The following NKAIN3 variants were observed in gnomAD, a reference collection of about 807,000 sequenced individuals.
NKAIN3 encodes the protein sodium/potassium-transporting ATPase subunit beta-1-interacting protein 3.
NKAIN3 carries 25 observed loss-of-function variants against 30.2 expected under a neutral mutation model. That is an observed-to-expected ratio of 0.83 (90% CI 0.60 to 1.16). The LOEUF (loss-of-function observed/expected upper bound fraction) is 1.16, where lower values mean the gene tolerates loss of function less well. Ranked by LOEUF, NKAIN3 falls within the 50% of genes most tolerant of loss-of-function variation. NKAIN3 has a pLI of 0.00. For synonymous variants in NKAIN3, 91 were observed against 89.6 expected (o/e 1.02, Z -0.09); for missense variants, 225 against 254.1 (o/e 0.89, Z 0.78).
chr8:62,763,259 A>AAAAAAAAAAAAAAAAC (rs1563551311), intron 4 of NKAIN3, among the ~76,000 whole-genome samples: 3 of 140,380 alleles, frequency 2.1e-5, no homozygotes, highest in Admixed American at 7.2e-5. Flanking sequence ...AAAAAAAAAA[A>AAAAAAAAAAAAAAAAC]AACTTATATA....
chr8:62,943,121 T>A (rs1335870526), intron 5 of NKAIN3, among the ~76,000 whole-genome samples: 2 of 152,110 alleles, frequency 1.3e-5, no homozygotes, highest in African/African-American at 2.4e-5. Flanking sequence ...GGAGAAAATC[T>A]TTGCGAATTA....
chr8:62,768,429 C>T (rs1442093636), intron 4 of NKAIN3, among the ~76,000 whole-genome samples: 1 of 152,132 alleles, frequency 6.6e-6, no homozygotes, highest in Admixed American at 6.5e-5. Context: ...ATAAATTAGG[C>T]TTCATCTTCT....
intron 3 of NKAIN3, among the ~76,000 whole-genome samples, chr8:62,606,439 T>C (rs2130168229): frequency 6.6e-6 from 1 of 152,250 alleles, no homozygotes; most frequent in East Asian, 1.9e-4. Flanking sequence ...TAGCTTAGAG[T>C]CAATACTGAT....
At chr8:62,430,366 G>GGT (rs59837325) in intron 1 of NKAIN3, among the ~76,000 whole-genome samples, 13,838 of 142,440 alleles carry the variant, frequency 0.097, 721 homozygotes, top group Middle Eastern at 0.16. Context: ...TATATATTGT[G>GGT]GTGTGTGTGT....
intron 1 of NKAIN3, among the ~76,000 whole-genome samples, chr8:62,285,306 T>C (rs770602833): frequency 9.2e-5 from 14 of 152,174 alleles, no homozygotes; most frequent in Non-Finnish European, 1.8e-4. Context: ...TGATGAAAAG[T>C]TGAGAGAATA....
chr8:62,253,559 ACT>A (rs1429699329), intron 1 of NKAIN3, among the ~76,000 whole-genome samples: 1 of 152,134 alleles, frequency 6.6e-6, no homozygotes, highest in Non-Finnish European at 1.5e-5. Flanking sequence ...ACAGAGTGAC[ACT>A]CTCTATCTAA....
intron 1 of NKAIN3, among the ~76,000 whole-genome samples, chr8:62,501,540 C>T (rs1807450049): frequency 6.6e-6 from 1 of 152,112 alleles, no homozygotes; most frequent in Admixed American, 6.6e-5. Flanking sequence ...GCTGTTGTTG[C>T]TCTTGTTGTT....
chr8:62,604,859 T>C (rs923100048), intron 3 of NKAIN3, among the ~76,000 whole-genome samples: 2 of 152,166 alleles, frequency 1.3e-5, no homozygotes, highest in African/African-American at 2.4e-5. Context: ...ATTCATCAAA[T>C]CATTCTTTCA....
chr8:62,307,313 A>G (rs1196710906), intron 1 of NKAIN3, among the ~76,000 whole-genome samples: 1 of 149,536 alleles, frequency 6.7e-6, no homozygotes, highest in East Asian at 1.9e-4. Context: ...AATCAAGCCA[A>G]AATTCTATAT....
rs1042600289 is a variant in NKAIN3, at chr8:62,643,440, C to T, written c.273+53646C>T. ...AAGGCAGTTAATCCTAGTTGAATAC[C>T]GATGTGGAGAATTGGGCCCAAAACC... On this transcript the variant is annotated intron_variant, in intron 3 of 6. Coordinates refer to ENST00000623646, the MANE Select transcript of NKAIN3 (RefSeq NM_001304533.3). Among the ~76,000 whole-genome samples, 5 of 151,994 alleles carry T rather than the reference C, an allele frequency of 3.3e-5. No homozygotes were observed. In the South Asian group the frequency reaches 6.2e-4, roughly 19 times the overall value.
intron 4 of NKAIN3, among the ~76,000 whole-genome samples, chr8:62,846,000 G>A (rs1004515978): frequency 1.3e-5 from 2 of 152,102 alleles, no homozygotes; most frequent in Admixed American, 6.6e-5. Flanking sequence ...AAGATATAGA[G>A]TGAATTCAGA....
chr8:62,409,435 T>G (rs576705977), intron 1 of NKAIN3, among the ~76,000 whole-genome samples: 174 of 152,260 alleles, frequency 1.1e-3, no homozygotes, highest in African/African-American at 4.1e-3. Flanking sequence ...CCTCCCACCT[T>G]GGCCTCCCAA....
intron 1 of NKAIN3, among the ~76,000 whole-genome samples, chr8:62,538,973 C>T (rs1397650925): frequency 5.3e-5 from 8 of 152,122 alleles, no homozygotes; most frequent in Admixed American, 5.2e-4. Context: ...TGTTTATCTG[C>T]TCCCACTATC....
At chr8:62,423,269 C>T (rs934664615) in intron 1 of NKAIN3, among the ~76,000 whole-genome samples, 1 of 151,992 alleles carries the variant, frequency 6.6e-6, no homozygotes, top group Non-Finnish European at 1.5e-5. Flanking sequence ...GGCAACTAGT[C>T]ATCTCTGAAA....
intron 3 of NKAIN3, among the ~76,000 whole-genome samples, chr8:62,723,483 T>G (rs780471816): frequency 6.6e-6 from 1 of 152,144 alleles, no homozygotes; most frequent in Non-Finnish European, 1.5e-5. Context: ...AGGGAAAACA[T>G]CGTAATCAAA....
chr8:62,694,845 C>A (rs904767155), intron 3 of NKAIN3, among the ~76,000 whole-genome samples: 3 of 152,096 alleles, frequency 2.0e-5, no homozygotes, highest in Non-Finnish European at 2.9e-5. Flanking sequence ...CAGAAAAAAA[C>A]CACCCTTGAG....
intron 1 of NKAIN3, among the ~76,000 whole-genome samples, chr8:62,349,739 G>C (rs1816123658): frequency 6.6e-6 from 1 of 152,144 alleles, no homozygotes; most frequent in South Asian, 2.1e-4. Flanking sequence ...TGAAGGGAAA[G>C]TAGCCTCTCA....
intron 3 of NKAIN3, among the ~76,000 whole-genome samples, chr8:62,701,925 A>C (rs950940963): frequency 2.0e-5 from 3 of 152,134 alleles, no homozygotes; most frequent in Non-Finnish European, 4.4e-5. Flanking sequence ...CCATATACTC[A>C]GAATGCGCAG....
At chr8:62,673,555 A>G (rs999284094) in intron 3 of NKAIN3, among the ~76,000 whole-genome samples, 4 of 152,212 alleles carry the variant, frequency 2.6e-5, no homozygotes, top group Admixed American at 2.6e-4. Context: ...GGAGCTAGCT[A>G]TAGTCATGCA....
Sources: allele counts gnomAD v4.1 joint callset (sites outside exome capture counted in the v4.1 genomes callset), GRCh38; gene constraint gnomAD v4.1.1; transcripts MANE v1.5; gene names NCBI Gene and HGNC (gene_info 2026-07-23, HGNC 2026-07-21).